The following CTNNA3 variants were observed in gnomAD, a reference collection of about 807,000 sequenced individuals.
The protein encoded by CTNNA3 is catenin alpha 3, also known as catenin alpha-3.
CTNNA3 carries 76 observed loss-of-function variants against 95.7 expected under a neutral mutation model. The observed-to-expected ratio is 0.79, with a 90% CI of 0.66 to 0.96. The LOEUF is 0.96. Ranked by LOEUF, CTNNA3 falls within the 40% of genes least tolerant of loss-of-function variation. CTNNA3 has a pLI of 0.00. For missense variants in CTNNA3, 1,191 were observed against 1,089.8 expected (o/e 1.09, Z -1.31); for synonymous variants, 431 against 374.4 (o/e 1.15, Z -1.74).
At chr10:66,751,276 A>T (rs115793578) in intron 9 of CTNNA3, among the ~76,000 whole-genome samples, 1,714 of 152,170 alleles carry the variant, frequency 0.011, 39 homozygotes, top group African/African-American at 0.039. Context: ...GAAAAAAAAA[A>T]TTTCCACTTG....
chr10:67,018,973 T>C (rs1460676811), intron 7 of CTNNA3, among the ~76,000 whole-genome samples: 1 of 152,222 alleles, frequency 6.6e-6, no homozygotes, highest in African/African-American at 2.4e-5. Context: ...GTTTGTTAAC[T>C]AGTGACCCTT....
At position 65,920,398 on chromosome 10, in the gene CTNNA3, C is replaced by T; in HGVS notation, c.2620G>A (p.Gly874Ser). ...PEETCAAVRR[G>S]SAKKKIHPLQ... ...GGATGGATTTTTTTCTTTGCTGAGC[C>T]TCGTCTGACAGCTGCACACGTTTCC... Residue 874 changes from glycine to serine, a missense_variant, in exon 18 of 18, where the codon GGC (glycine) becomes AGC (serine). Coordinates refer to ENST00000433211, the MANE Select transcript of CTNNA3 (RefSeq NM_013266.4). 2 of 1,614,102 alleles carry T rather than the reference C, an allele frequency of 1.2e-6. No homozygotes were observed. Among genetic ancestry groups the T allele is most frequent in the Non-Finnish European group, 1.7e-6 (2 of 1,180,004 alleles).
intron 4 of CTNNA3, among the ~76,000 whole-genome samples, chr10:67,533,862 T>A (rs749063575): frequency 6.6e-6 from 1 of 152,004 alleles, no homozygotes; most frequent in Non-Finnish European, 1.5e-5. Flanking sequence ...GAGAGTAACA[T>A]CTCATTTATC....
chr10:67,180,235 T>C (rs920180276), intron 7 of CTNNA3, 82 bp downstream of exon 7: 1 of 1,160,994 alleles, frequency 8.6e-7, no homozygotes, highest in African/African-American at 1.5e-5. Flanking sequence ...TTACCCTATT[T>C]TGTATACGGA....
chr10:65,922,325 A>G (rs1399582515), intron 17 of CTNNA3, among the ~76,000 whole-genome samples: 1 of 152,308 alleles, frequency 6.6e-6, no homozygotes, highest in South Asian at 2.1e-4. Flanking sequence ...GCAATAGAGT[A>G]TCTTATTTGC....
chr10:67,018,509 A>C (rs28710180), intron 7 of CTNNA3, among the ~76,000 whole-genome samples: 2,766 of 152,306 alleles, frequency 0.018, 86 homozygotes, highest in African/African-American at 0.062. Context: ...CATGTTTGGG[A>C]ACAAATACAG....
chr10:66,422,695 T>A (rs2093205826), intron 11 of CTNNA3, among the ~76,000 whole-genome samples: 2 of 152,196 alleles, frequency 1.3e-5, no homozygotes, highest in South Asian at 4.1e-4. Context: ...TTTGATTTTT[T>A]CCATATCAAT....
intron 10 of CTNNA3, among the ~76,000 whole-genome samples, chr10:66,544,441 C>T (rs1282083206): frequency 6.6e-6 from 1 of 152,056 alleles, no homozygotes; most frequent in South Asian, 2.1e-4. Flanking sequence ...TGGTTCATTT[C>T]CTATTACCAT....
intron 2 of CTNNA3, among the ~76,000 whole-genome samples, chr10:67,646,258 C>A: frequency 6.6e-6 from 1 of 150,936 alleles, no homozygotes; most frequent in Non-Finnish European, 1.5e-5. Flanking sequence ...CTTAAGCGAT[C>A]CTCCTGCCTT....
At chr10:66,934,448 A>C (rs1468512575) in intron 7 of CTNNA3, among the ~76,000 whole-genome samples, 2 of 152,142 alleles carry the variant, frequency 1.3e-5, no homozygotes, top group African/African-American at 4.8e-5. Context: ...ATTATCTCCA[A>C]AAGAAAAGTT....
intron 11 of CTNNA3, among the ~76,000 whole-genome samples, chr10:66,406,795 C>G (rs2093060931): frequency 6.6e-6 from 1 of 152,040 alleles, no homozygotes; most frequent in Non-Finnish European, 1.5e-5. Flanking sequence ...TGCTGCCACT[C>G]TTGTATAATT....
intron 7 of CTNNA3, among the ~76,000 whole-genome samples, chr10:66,863,786 T>C (rs1396344760): frequency 1.3e-5 from 2 of 152,082 alleles, no homozygotes; most frequent in Non-Finnish European, 2.9e-5. Context: ...GGGTGTCTAA[T>C]TGTGTCACTA....
intron 15 of CTNNA3, among the ~76,000 whole-genome samples, chr10:65,990,637 T>G (rs1453264910): frequency 6.6e-6 from 1 of 151,306 alleles, no homozygotes; most frequent in Non-Finnish European, 1.5e-5. Context: ...TAGGCCCTTA[T>G]TAGAGAAACA....
chr10:66,678,892 A>G (rs570152041), intron 9 of CTNNA3, among the ~76,000 whole-genome samples: 22 of 152,206 alleles, frequency 1.4e-4, no homozygotes, highest in African/African-American at 5.3e-4. Context: ...AAAGGCAAAG[A>G]ATCTGGGAGA....
intron 5 of CTNNA3, among the ~76,000 whole-genome samples, chr10:67,264,132 A>G (rs2132398722): frequency 6.6e-6 from 1 of 152,234 alleles, no homozygotes; most frequent in African/African-American, 2.4e-5. Flanking sequence ...AGGACACATG[A>G]TGGGTTAGGG....
chr10:67,265,979 C>T (rs1866808928), intron 5 of CTNNA3, among the ~76,000 whole-genome samples: 2 of 152,082 alleles, frequency 1.3e-5, no homozygotes, highest in Admixed American at 6.6e-5. Flanking sequence ...GCAAATCAGC[C>T]TTTTAATGCT....
intron 13 of CTNNA3, among the ~76,000 whole-genome samples, chr10:66,241,221 G>T (rs1412686906): frequency 6.6e-6 from 1 of 152,086 alleles, no homozygotes; most frequent in African/African-American, 2.4e-5. Flanking sequence ...AATTGAGTAA[G>T]GTCAATGAAA....
chr10:67,665,222 T>G (rs890853364), intron 1 of CTNNA3, among the ~76,000 whole-genome samples: 1 of 131,686 alleles, frequency 7.6e-6, no homozygotes, highest in African/African-American at 3.7e-5. Context: ...CAATTGAATC[T>G]GCCTGAGTTG....
At chr10:67,086,245 T>C (rs1254600997) in intron 7 of CTNNA3, among the ~76,000 whole-genome samples, 2 of 152,060 alleles carry the variant, frequency 1.3e-5, no homozygotes, top group East Asian at 3.8e-4. Flanking sequence ...GAAACTCATC[T>C]GAAGGATTTT....
Sources: gnomAD v4.1 joint callset for allele counts (sites outside exome capture counted in the v4.1 genomes callset) on GRCh38, gnomAD v4.1.1 for gene constraint, MANE v1.5 for transcripts, NCBI Gene and HGNC (gene_info 2026-07-23, HGNC 2026-07-21) for gene names.